Variants in CATSPERE observed in about 807,000 individuals in gnomAD.
CATSPERE encodes the protein cation channel sperm-associated auxiliary subunit epsilon.
CATSPERE carries 93 observed loss-of-function variants against 114.1 expected under a neutral mutation model. That is an observed-to-expected ratio of 0.81 (90% CI 0.69 to 0.97). The LOEUF (loss-of-function observed/expected upper bound fraction) is 0.97. Among genes scored for constraint, CATSPERE ranks in the 50% least tolerant of loss-of-function variants. CATSPERE has a pLI of 0.00. For missense variants in CATSPERE, 1,058 were observed against 1,131.6 expected, an observed-to-expected ratio of 0.93 and a Z score of 0.93; for synonymous variants, 341 against 384.1, an observed-to-expected ratio of 0.89 and a Z score of 1.31.
At chr1:244,596,911 A>G (rs1390123959) in intron 17 of CATSPERE, among the ~76,000 whole-genome samples, 2 of 152,124 alleles carry the variant, frequency 1.3e-5, no homozygotes, top group South Asian at 2.1e-4. Flanking sequence ...ATCCTCCACA[A>G]ACTTCCACCA....
upstream of CATSPERE, chr1:244,457,657 G>A (rs1666278357): frequency 6.6e-6 from 1 of 152,092 alleles, no homozygotes; most frequent in Admixed American, 6.6e-5. Flanking sequence ...GACTTATGGT[G>A]ACCTGGGATT....
chr1:244,624,520 G>A (rs1398542465), intron 20 of CATSPERE, among the ~76,000 whole-genome samples: 6 of 152,070 alleles, frequency 3.9e-5, no homozygotes, highest in Admixed American at 1.3e-4. Context: ...AGAAAGCAAC[G>A]CTGGGTGTGG....
chr1:244,460,655 T>C (rs554195585), upstream of CATSPERE, among the ~76,000 whole-genome samples: 1 of 152,390 alleles, frequency 6.6e-6, no homozygotes, highest in East Asian at 1.9e-4. Context: ...GGCTCACGCC[T>C]GTAATCCCAG....
chr1:244,597,152 C>A (rs971628898), intron 17 of CATSPERE, among the ~76,000 whole-genome samples: 6 of 152,134 alleles, frequency 3.9e-5, no homozygotes, highest in African/African-American at 1.4e-4. Context: ...GGTCTTTCTC[C>A]CACCAAAAAC....
chr1:244,528,258 G>A (rs1210457163), intron 8 of CATSPERE, among the ~76,000 whole-genome samples: 1 of 152,132 alleles, frequency 6.6e-6, no homozygotes, highest in Non-Finnish European at 1.5e-5. Flanking sequence ...TGAGCATAAT[G>A]GCTTCCAGCT....
At chr1:244,460,112 C>T (rs1371486346), upstream of CATSPERE, among the ~76,000 whole-genome samples, 2 of 152,204 alleles carry the variant, frequency 1.3e-5, no homozygotes, top group Non-Finnish European at 2.9e-5. Flanking sequence ...CATTCCTGGG[C>T]ATAAGCTGAA....
intron 17 of CATSPERE, among the ~76,000 whole-genome samples, chr1:244,594,060 C>T (rs1192732250): frequency 6.6e-6 from 1 of 152,220 alleles, no homozygotes; most frequent in Admixed American, 6.5e-5. Flanking sequence ...GTGGCTCACA[C>T]CTGTAATCCC....
chr1:244,528,793 A>G (rs146791887), intron 8 of CATSPERE, among the ~76,000 whole-genome samples: 2,861 of 130,610 alleles, frequency 0.022, 101 homozygotes, highest in African/African-American at 0.086. Context: ...CACCACACAC[A>G]CACACACACA....
chr1:244,506,375 C>G (rs752192226), intron 7 of CATSPERE, among the ~76,000 whole-genome samples: 15 of 152,194 alleles, frequency 9.9e-5, no homozygotes, highest in Non-Finnish European at 1.3e-4. Flanking sequence ...AATATCTGCT[C>G]ATATCCCTGC....
intron 17 of CATSPERE, among the ~76,000 whole-genome samples, chr1:244,601,329 A>G (rs960210681): frequency 2.6e-5 from 4 of 152,212 alleles, no homozygotes; most frequent in African/African-American, 9.6e-5. Context: ...AGAAGGGGAA[A>G]TTACAGAAAA....
At chr1:244,531,451 C>T (rs1263844327) in intron 8 of CATSPERE, among the ~76,000 whole-genome samples, 1 of 152,022 alleles carries the variant, frequency 6.6e-6, no homozygotes, top group Non-Finnish European at 1.5e-5. Context: ...TAGTATGATA[C>T]TAACTGTGGA....
chr1:244,586,601 A>G (rs774672201), intron 13 of CATSPERE, among the ~76,000 whole-genome samples: 1 of 152,044 alleles, frequency 6.6e-6, no homozygotes, highest in Non-Finnish European at 1.5e-5. Context: ...ATGAAGACCA[A>G]AAGGTCTTGG....
At chr1:244,518,551 T>C (rs774583957) in intron 7 of CATSPERE, 41 bp from the exon 8 acceptor site, 1 of 1,187,538 alleles carries the variant, frequency 8.4e-7, no homozygotes, top group Non-Finnish European at 1.2e-6. Flanking sequence ...ATACTTTAGC[T>C]ATGAAAATAA....
At chr1:244,597,330 G>C (rs932465931) in intron 17 of CATSPERE, among the ~76,000 whole-genome samples, 3 of 152,138 alleles carry the variant, frequency 2.0e-5, no homozygotes, top group African/African-American at 7.2e-5. Flanking sequence ...CAGCCAACAT[G>C]ATCAGTGACC....
intron 8 of CATSPERE, among the ~76,000 whole-genome samples, chr1:244,540,287 G>A (rs1295548354): frequency 7.1e-6 from 1 of 140,042 alleles, no homozygotes; most frequent in East Asian, 2.2e-4. Context: ...ATCTCCTTAA[G>A]CTGATAAGCA....
At chr1:244,522,813 T>A (rs1277867761) in intron 8 of CATSPERE, among the ~76,000 whole-genome samples, 3 of 152,010 alleles carry the variant, frequency 2.0e-5, no homozygotes, top group Non-Finnish European at 4.4e-5. Context: ...AATAGACCAA[T>A]AACAGGAGCT....
At chr1:244,530,781 T>C (rs566262695) in intron 8 of CATSPERE, among the ~76,000 whole-genome samples, 83 of 152,310 alleles carry the variant, frequency 5.4e-4, no homozygotes, top group Admixed American at 1.4e-3. Context: ...CTATTGTAAA[T>C]AGGATTACTT....
At chr1:244,508,065 G>T (rs1283686060) in intron 7 of CATSPERE, among the ~76,000 whole-genome samples, 1 of 151,848 alleles carries the variant, frequency 6.6e-6, no homozygotes, top group Non-Finnish European at 1.5e-5. Context: ...TGGGTAGTAT[G>T]GTCGTTTTAA....
chr1:244,550,587 G>A (rs943514171), intron 8 of CATSPERE, among the ~76,000 whole-genome samples: 1 of 152,186 alleles, frequency 6.6e-6, no homozygotes, highest in African/African-American at 2.4e-5. Context: ...GGACAATGTA[G>A]CAAAATGATA....
Sources: allele counts gnomAD v4.1 joint callset (sites outside exome capture counted in the v4.1 genomes callset), GRCh38; gene constraint gnomAD v4.1.1; transcripts MANE v1.5; gene names NCBI Gene and HGNC (gene_info 2026-07-23, HGNC 2026-07-21).